Variants in MET observed in about 807,000 individuals in gnomAD.
The protein encoded by MET is MET proto-oncogene, receptor tyrosine kinase.
MET carries 48 observed loss-of-function variants against 133.1 expected under a neutral mutation model. That is an observed-to-expected ratio of 0.36 (90% CI 0.29 to 0.46). MET has a LOEUF of 0.46. MET is among the 20% of genes least tolerant of loss of function. MET has a pLI of 1.00. For synonymous variants in MET, 628 were observed against 616.5 expected, an observed-to-expected ratio of 1.02 and a Z score of -0.28; for missense variants, 1,442 against 1,695.9, an observed-to-expected ratio of 0.85 and a Z score of 2.63.
intron 1 of MET, among the ~76,000 whole-genome samples, chr7:116,676,996 T>G (rs1387856163): frequency 1.3e-5 from 2 of 151,764 alleles, no homozygotes; most frequent in African/African-American, 2.4e-5. Context: ...TTGTTTTTTT[T>G]TTTGTTTTTT....
chr7:116,772,506 A>G (rs1794867912), intron 14 of MET, among the ~76,000 whole-genome samples: 1 of 152,146 alleles, frequency 6.6e-6, no homozygotes, highest in Non-Finnish European at 1.5e-5. Context: ...CAATTATGCC[A>G]TGAAAAAAAG....
At chr7:116,682,784 C>T (rs1403063008) in intron 1 of MET, among the ~76,000 whole-genome samples, 4 of 152,136 alleles carry the variant, frequency 2.6e-5, no homozygotes, top group South Asian at 2.1e-4. Flanking sequence ...TCCAATTTTT[C>T]GCCATGCCCA....
intron 6 of MET, among the ~76,000 whole-genome samples, chr7:116,756,878 G>T (rs1009713083): frequency 6.6e-6 from 1 of 152,106 alleles, no homozygotes; most frequent in Non-Finnish European, 1.5e-5. Context: ...AGGTCTTTAT[G>T]GATAAGGTCT....
At chr7:116,751,787 C>A (rs544959126) in intron 5 of MET, among the ~76,000 whole-genome samples, 1 of 152,024 alleles carries the variant, frequency 6.6e-6, no homozygotes, top group East Asian at 1.9e-4. Context: ...TCAGGCCGGG[C>A]GTGGTGGCTC....
intron 5 of MET, among the ~76,000 whole-genome samples, chr7:116,746,103 TCAA>T (rs2116864693): frequency 6.6e-6 from 1 of 152,124 alleles, no homozygotes; most frequent in South Asian, 2.1e-4. Flanking sequence ...AACAACCCCA[TCAA>T]CAAGTAGGCA....
At position 116,774,845 on chromosome 7, in the gene MET, A is replaced by G. The variant is rs187917758; in HGVS notation, c.3029-36A>G. 2.6e-6 allele frequency: 4 copies of G among 1,518,638 alleles called. No homozygotes were observed. In the Admixed American group the frequency reaches 5.0e-5, roughly 19 times the overall value. The allele number at this position is 1,518,638 out of a possible 1,614,324, so 94.1% of individuals were successfully genotyped here. ...TTCAGTCCCCATTAAATGAGGTTTT[A>G]CTGTTGTTCTTTAATAATTTTCCTT... is the stretch of plus-strand genomic sequence containing the variant. On this transcript the variant is annotated intron_variant, in intron 14 of 20. Coordinates refer to ENST00000397752, the MANE Select transcript of MET (RefSeq NM_000245.4).
chr7:116,738,608 CATT>C (rs146338275), intron 3 of MET, among the ~76,000 whole-genome samples: 3,437 of 152,218 alleles, frequency 0.023, 55 homozygotes, highest in South Asian at 0.07. Flanking sequence ...GTAGAACAAA[CATT>C]AGAGCACAAA....
At chr7:116,706,314 G>A (rs374551571) in intron 2 of MET, among the ~76,000 whole-genome samples, 3 of 152,130 alleles carry the variant, frequency 2.0e-5, no homozygotes, top group Admixed American at 6.5e-5. Context: ...ATTTCTACAC[G>A]GAGATTCATC....
chr7:116,759,134 A>G (rs1380097645), intron 9 of MET, among the ~76,000 whole-genome samples: 1 of 152,214 alleles, frequency 6.6e-6, no homozygotes, highest in Non-Finnish European at 1.5e-5. Context: ...TATTTTTTTC[A>G]GAGGTGAAAT....
chr7:116,716,505 G>GA (rs1031644246), intron 2 of MET, among the ~76,000 whole-genome samples: 6 of 149,820 alleles, frequency 4.0e-5, no homozygotes, highest in African/African-American at 1.2e-4. Flanking sequence ...AAGAAAGAAA[G>GA]AAAGAAAGAA....
chr7:116,688,003 G>C (rs931315477), intron 1 of MET, among the ~76,000 whole-genome samples: 1 of 152,208 alleles, frequency 6.6e-6, no homozygotes, highest in African/African-American at 2.4e-5. Flanking sequence ...AAACTGATCA[G>C]TCATATAAAT....
intron 1 of MET, among the ~76,000 whole-genome samples, chr7:116,694,928 A>G (rs1796911351): frequency 6.6e-6 from 1 of 152,066 alleles, no homozygotes; most frequent in African/African-American, 2.4e-5. Context: ...CACGTGATCC[A>G]CCCACCTCTG....
intron 5 of MET, 74 bp downstream of exon 5, chr7:116,741,099 G>GTTTTT: frequency 3.3e-6 from 5 of 1,506,008 alleles, no homozygotes; most frequent in African/African-American, 1.5e-5. Flanking sequence ...GGTTTGGTTT[G>GTTTTT]TTTTTTGTTT....
chr7:116,790,125 C>T (rs1795438500), intron 19 of MET, among the ~76,000 whole-genome samples: 1 of 152,214 alleles, frequency 6.6e-6, no homozygotes, highest in African/African-American at 2.4e-5. Flanking sequence ...CTGCAAAAGA[C>T]ATGATCTTGT....
rs751784236 is a variant in MET, at chr7:116,796,143, G to C, written c.*19G>C. 30 of 1,603,890 alleles carry C rather than the reference G, an allele frequency of 1.9e-5. No individual in the cohort carries two copies. Among genetic ancestry groups the C allele is most frequent in the African/African-American group, 2.7e-5 (2 of 74,780 alleles). On this transcript the variant is annotated 3_prime_UTR_variant, in exon 21 of 21. Transcript: ENST00000397752. The stretch of plus-strand genomic sequence containing the variant: ...ATCATAGTGCTAGTACTATGTCAAA[G>C]CAACAGTCCACACTTTGTCCAATGG...
intron 5 of MET, among the ~76,000 whole-genome samples, chr7:116,754,868 AAAG>A (rs999362705): frequency 1.4e-5 from 2 of 144,610 alleles, no homozygotes; most frequent in Admixed American, 1.4e-4. Context: ...AAAGAAAAAG[AAAG>A]AAAGAGAGAG....
rs1022160614 is a variant in MET at position 116,746,904 on chromosome 7, G to C, written c.1701+5879G>C. On this transcript the variant is annotated intron_variant, in intron 5 of 20. Coordinates refer to ENST00000397752, the MANE Select transcript of MET (RefSeq NM_000245.4). The stretch of plus-strand genomic sequence containing the variant: ...TAACAAACCCGCACATTGTGCACAT[G>C]TACCCTAGAACTTAAAGTATAATAA... Among the ~76,000 whole-genome samples, 3 of 152,096 alleles carry C rather than the reference G, an allele frequency of 2.0e-5. 1 individual carries two copies. Among genetic ancestry groups the C allele is most frequent in the African/African-American group, 7.2e-5 (3 of 41,478 alleles).
intron 2 of MET, among the ~76,000 whole-genome samples, chr7:116,728,669 C>T (rs916829339): frequency 6.6e-6 from 1 of 152,150 alleles, no homozygotes; most frequent in Non-Finnish European, 1.5e-5. Context: ...TTTGCAGATG[C>T]ACTAATTTTT....
intron 2 of MET, 112 bp downstream of exon 2, chr7:116,700,396 C>T: frequency 8.2e-7 from 1 of 1,223,136 alleles, no homozygotes; most frequent in East Asian, 2.5e-5. Context: ...TGGTGTTTAT[C>T]CAAAATAGTT....
Sources: gnomAD v4.1 joint callset for allele counts (sites outside exome capture counted in the v4.1 genomes callset) on GRCh38, gnomAD v4.1.1 for gene constraint, MANE v1.5 for transcripts, NCBI Gene and HGNC (gene_info 2026-07-23, HGNC 2026-07-21) for gene names.